CERT1: variants seen among roughly 807,000 people sequenced by gnomAD.
The protein encoded by CERT1 is ceramide transfer protein.
In CERT1, 31 loss-of-function variants were observed where a neutral mutation model predicts 87.9. That is an observed-to-expected ratio of 0.35 (90% CI 0.27 to 0.48). The LOEUF (loss-of-function observed/expected upper bound fraction) is 0.48, where lower values mean the gene tolerates loss of function less well. CERT1 is among the 20% of genes least tolerant of loss of function. CERT1 has a pLI of 0.99. For missense variants in CERT1, 487 were observed against 758.0 expected, an observed-to-expected ratio of 0.64 and a Z score of 4.20; for synonymous variants, 289 against 250.9, an observed-to-expected ratio of 1.15 and a Z score of -1.44.
At chr5:75,417,065 T>A (rs909552359) in intron 6 of CERT1, 32 bp from the exon 7 acceptor site, 2 of 1,430,320 alleles carry the variant, frequency 1.4e-6, no homozygotes, top group Non-Finnish European at 1.9e-6. Context: ...TGAAAATATC[T>A]CTAATGAGGA....
At chr5:75,421,348 T>TA (rs1763371364) in intron 5 of CERT1, among the ~76,000 whole-genome samples, 1 of 152,242 alleles carries the variant, frequency 6.6e-6, no homozygotes, top group Non-Finnish European at 1.5e-5. Flanking sequence ...TGCCATTTTC[T>TA]AATTACTGGA....
chr5:75,436,329 G>A (rs896704550), intron 3 of CERT1, among the ~76,000 whole-genome samples: 2 of 152,136 alleles, frequency 1.3e-5, no homozygotes, highest in South Asian at 2.1e-4. Context: ...CACTGCACTC[G>A]GCCACCTGTG....
chr5:75,387,484 G>A (rs957070242), intron 12 of CERT1, among the ~76,000 whole-genome samples: 1 of 151,904 alleles, frequency 6.6e-6, no homozygotes, highest in Non-Finnish European at 1.5e-5. Context: ...GCTCACACCT[G>A]TTATCCCAGC....
chr5:75,464,427 T>C (rs1328009450), intron 2 of CERT1, among the ~76,000 whole-genome samples: 2 of 152,098 alleles, frequency 1.3e-5, no homozygotes, highest in Non-Finnish European at 2.9e-5. Context: ...TTACAGAGAA[T>C]AGGGTACAGG....
intron 3 of CERT1, among the ~76,000 whole-genome samples, chr5:75,455,344 G>C (rs924069674): frequency 6.6e-6 from 1 of 152,194 alleles, no homozygotes; most frequent in Non-Finnish European, 1.5e-5. Context: ...GCAGGATGCA[G>C]AAAATGCTTT....
intron 14 of CERT1, 27 bp from the exon 15 acceptor site, chr5:75,382,104 AAACAGATCT>A: frequency 1.2e-6 from 2 of 1,603,956 alleles, no homozygotes; most frequent in Non-Finnish European, 1.7e-6. Flanking sequence ...ATCTTTTGAA[AAACAGATCT>A]AACATGGAAC....
At chr5:75,425,552 C>T (rs1403182324) in intron 4 of CERT1, 53 bp from the exon 5 acceptor site, 1 of 1,572,936 alleles carries the variant, frequency 6.4e-7, no homozygotes, top group Non-Finnish European at 8.7e-7. Context: ...AACTGGATTT[C>T]ATGTGGTCCT....
At chr5:75,459,040 G>T in intron 3 of CERT1, 25 bp downstream of exon 3, 2 of 1,327,976 alleles carry the variant, frequency 1.5e-6, no homozygotes, top group South Asian at 2.4e-5. Flanking sequence ...GTCCTCCATG[G>T]ACAGGTAAAC....
intron 3 of CERT1, among the ~76,000 whole-genome samples, chr5:75,430,994 T>C (rs1016525665): frequency 6.6e-6 from 1 of 152,184 alleles, no homozygotes; most frequent in Non-Finnish European, 1.5e-5. Context: ...TGAGCTAGGA[T>C]TGTGCCACTG....
chr5:75,491,054 C>G (rs1390253881), intron 2 of CERT1, among the ~76,000 whole-genome samples: 1 of 151,988 alleles, frequency 6.6e-6, no homozygotes, highest in Non-Finnish European at 1.5e-5. Flanking sequence ...AGTAGTTTTA[C>G]GGGATTAGAG....
At chr5:75,383,572 T>G (rs1208856580) in intron 14 of CERT1, among the ~76,000 whole-genome samples, 14 of 152,162 alleles carry the variant, frequency 9.2e-5, no homozygotes, top group African/African-American at 3.4e-4. Context: ...TCTTAATTGT[T>G]ATGCATTTCT....
At chr5:75,459,235 G>A in intron 2 of CERT1, 54 bp from the exon 3 acceptor site, 1 of 1,096,770 alleles carries the variant, frequency 9.1e-7, no homozygotes, top group East Asian at 2.4e-5. Context: ...CCTTAGAAGT[G>A]TTACACCCCA....
intron 9 of CERT1, chr5:75,401,337 T>C (rs1308370854): frequency 3.3e-5 from 5 of 152,148 alleles, no homozygotes; most frequent in African/African-American, 7.2e-5. Context: ...TTCAGTAGAG[T>C]AGCATTTTAG....
At chr5:75,387,323 G>A (rs1322523423) in intron 12 of CERT1, among the ~76,000 whole-genome samples, 2 of 152,152 alleles carry the variant, frequency 1.3e-5, no homozygotes, top group Non-Finnish European at 2.9e-5. Context: ...AAATGTCTTC[G>A]CTAAGACATC....
rs550387427 is a variant in CERT1, at chr5:75,384,693, A to G, written c.1437T>C (p.His479=). The part of the protein sequence containing the change: ...NDWETTIENF[H]VVETLADNAI... ...CATTATCAGCTAATGTTTCCACCAC[A>G]TGAAAGTTTTCTATAGTTGCTGAAA... Residue 479 remains histidine, a synonymous_variant, in exon 14 of 17, where the codon CAT becomes CAC. Transcript: ENST00000643780. 1.0e-5 allele frequency: 16 copies of G among 1,601,406 alleles called. No individual in the cohort carries two copies. Among genetic ancestry groups the G allele is most frequent in the South Asian group, 8.8e-5 (8 of 90,712 alleles).
intron 8 of CERT1, among the ~76,000 whole-genome samples, chr5:75,407,882 G>T (rs1034449417): frequency 7.4e-3 from 604 of 81,698 alleles, no homozygotes; most frequent in East Asian, 0.012. Flanking sequence ...TGGCACAATT[G>T]TTTTTTTTTT....
At chr5:75,416,786 T>A in intron 7 of CERT1, 90 bp downstream of exon 7, 1 of 1,164,944 alleles carries the variant, frequency 8.6e-7, no homozygotes, top group South Asian at 1.6e-5. Flanking sequence ...CCCAAGATTC[T>A]TCCCTAAGAA....
rs1410707583 is a variant in CERT1 at position 75,379,191 on chromosome 5, C to T, written c.*155G>A. ...AGCAAGACCCTGTTTAAAACAACAA[C>T]AACGACAACAACAAAAACCAACGAA... On this transcript the variant is annotated 3_prime_UTR_variant, in exon 17 of 17. Transcript: ENST00000643780. 1 of 686,204 alleles carries T rather than the reference C, an allele frequency of 1.5e-6. No homozygotes were observed. The highest frequency in any genetic ancestry group is 2.0e-5 in the South Asian group (1 of 48,992). 42.5% of individuals were successfully genotyped at this position (686,204 alleles called of 1,614,324 possible). A position where few individuals can be genotyped will look rare whatever the true frequency, so the allele number is the denominator to read the frequency against.
chr5:75,438,313 A>AAGATG (rs1764179394), intron 3 of CERT1, among the ~76,000 whole-genome samples: 1 of 152,188 alleles, frequency 6.6e-6, no homozygotes. Context: ...TTGTTAACAC[A>AAGATG]TCTCTTTGGC....
Sources: gnomAD v4.1 joint callset for allele counts (sites outside exome capture counted in the v4.1 genomes callset) on GRCh38, gnomAD v4.1.1 for gene constraint, MANE v1.5 for transcripts, NCBI Gene and HGNC (gene_info 2026-07-23, HGNC 2026-07-21) for gene names.